The following NEGR1 variants were observed in gnomAD, a reference collection of about 807,000 sequenced individuals.
NEGR1 encodes the protein IgLON family member 4.
In NEGR1, 10 loss-of-function variants were observed where a neutral mutation model predicts 40.9. The observed-to-expected ratio is 0.24, with a 90% confidence interval of 0.15 to 0.42. NEGR1 has a LOEUF of 0.42. NEGR1 is among the 10% of genes least tolerant of loss of function. The pLI, the probability that NEGR1 is intolerant of heterozygous loss-of-function variation, is 1.00. For synonymous variants in NEGR1, 185 were observed against 166.8 expected (o/e 1.11, Z -0.84); for missense variants, 352 against 438.9 (o/e 0.80, Z 1.77).
intron 6 of NEGR1, among the ~76,000 whole-genome samples, chr1:71,557,649 T>C (rs924315420): frequency 6.6e-6 from 1 of 151,604 alleles, no homozygotes; most frequent in Non-Finnish European, 1.5e-5. Flanking sequence ...TGAGTCCCTA[T>C]ATACACTCTA....
chr1:72,036,887 A>T (rs2100449052), intron 1 of NEGR1, among the ~76,000 whole-genome samples: 1 of 152,248 alleles, frequency 6.6e-6, no homozygotes. Context: ...ATAAATATAT[A>T]TATCAGTGTA....
chr1:71,461,174 G>T (rs897637859), intron 6 of NEGR1, among the ~76,000 whole-genome samples: 2 of 152,106 alleles, frequency 1.3e-5, no homozygotes, highest in African/African-American at 4.8e-5. Context: ...AAACATGATT[G>T]TCTTGTTATT....
chr1:71,750,285 G>T lies in NEGR1; in HGVS notation c.535+25887C>A, dbSNP rs532927124. ...TGGGATTACAGGCGTGAGCCACCGC[G>T]CCCGGCCCTGCTCCTTTCTTTTGGA... On this transcript the variant is annotated intron_variant, in intron 3 of 6. Coordinates refer to ENST00000357731, the MANE Select transcript of NEGR1 (RefSeq NM_173808.3). 1.8e-3 allele frequency among the ~76,000 whole-genome samples: 271 copies of T among 152,248 alleles called. 2 individuals carry two copies. Among genetic ancestry groups the T allele is most frequent in the African/African-American group, 6.3e-3 (262 of 41,556 alleles).
intron 1 of NEGR1, among the ~76,000 whole-genome samples, chr1:72,131,015 T>G (rs912297721): frequency 5.3e-5 from 8 of 152,200 alleles, no homozygotes; most frequent in Admixed American, 3.3e-4. Context: ...CCAGTTGTTA[T>G]AGCACAAAAT....
intron 3 of NEGR1, among the ~76,000 whole-genome samples, chr1:71,739,864 G>C (rs914873494): frequency 6.6e-6 from 1 of 152,076 alleles, no homozygotes; most frequent in Non-Finnish European, 1.5e-5. Context: ...ATATTTAATA[G>C]CTTTTAAGTT....
chr1:71,600,283 G>A (rs972710730), intron 5 of NEGR1, among the ~76,000 whole-genome samples: 6 of 152,160 alleles, frequency 3.9e-5, no homozygotes, highest in African/African-American at 7.2e-5. Flanking sequence ...CATGATAAGC[G>A]TTGGGGACAT....
intron 6 of NEGR1, among the ~76,000 whole-genome samples, chr1:71,484,288 T>G (rs1275617282): frequency 6.6e-6 from 1 of 151,626 alleles, no homozygotes; most frequent in African/African-American, 2.4e-5. Flanking sequence ...TTATTCACCT[T>G]CATGCAAGAC....
In NEGR1 at chr1:71,681,831, C is replaced by T. The variant is rs115122441; in HGVS notation, c.667+16177G>A. ...CTCTTGGTTTCTCTGGCTAGCATTC[C>T]ATTTAATTTTTTTTAGGCAGAGTCT... On this transcript the variant is annotated intron_variant, in intron 4 of 6. Coordinates refer to ENST00000357731, the MANE Select transcript of NEGR1 (RefSeq NM_173808.3). Among the ~76,000 whole-genome samples, 654 of 152,052 alleles carry T rather than the reference C, an allele frequency of 4.3e-3. 5 individuals carry two copies. Among genetic ancestry groups the T allele is most frequent in the African/African-American group, 0.015 (631 of 41,474 alleles).
intron 1 of NEGR1, among the ~76,000 whole-genome samples, chr1:72,229,734 T>G (rs142790446): frequency 3.9e-5 from 6 of 152,022 alleles, no homozygotes; most frequent in African/African-American, 1.4e-4. Flanking sequence ...TCTGTAAAAT[T>G]AAACTTTTTT....
intron 6 of NEGR1, among the ~76,000 whole-genome samples, chr1:71,586,659 T>G (rs1409313109): frequency 6.6e-6 from 1 of 152,150 alleles, no homozygotes; most frequent in Non-Finnish European, 1.5e-5. Flanking sequence ...CTGCTGGTTA[T>G]CGTCTCTCCC....
intron 2 of NEGR1, among the ~76,000 whole-genome samples, chr1:71,809,791 C>T (rs1384514697): frequency 6.6e-6 from 1 of 151,952 alleles, no homozygotes; most frequent in East Asian, 1.9e-4. Context: ...TTCACATGCT[C>T]AACATTCTAA....
chr1:72,192,475 T>G (rs1331555475), intron 1 of NEGR1, among the ~76,000 whole-genome samples: 1 of 151,872 alleles, frequency 6.6e-6, no homozygotes, highest in Non-Finnish European at 1.5e-5. Context: ...TTTCTTAAAA[T>G]TTTAAGAGTA....
chr1:72,044,034 C>CT (rs1240190866), intron 1 of NEGR1, among the ~76,000 whole-genome samples: 1 of 151,664 alleles, frequency 6.6e-6, no homozygotes, highest in East Asian at 1.9e-4. Flanking sequence ...AAGTAAAAGC[C>CT]TTTATCATCA....
intron 5 of NEGR1, among the ~76,000 whole-genome samples, chr1:71,596,271 G>A (rs567398444): frequency 3.7e-4 from 56 of 152,270 alleles, no homozygotes; most frequent in African/African-American, 1.3e-3. Context: ...GCTCCACATC[G>A]AGAACCATAA....
At chr1:71,658,132 A>T (rs903131619) in intron 4 of NEGR1, among the ~76,000 whole-genome samples, 2 of 152,184 alleles carry the variant, frequency 1.3e-5, no homozygotes, top group African/African-American at 4.8e-5. Context: ...TATTATGTTG[A>T]AAGTTGTTTT....
chr1:71,785,087 G>T (rs1466338704), intron 2 of NEGR1, among the ~76,000 whole-genome samples: 2 of 152,152 alleles, frequency 1.3e-5, no homozygotes, highest in Non-Finnish European at 2.9e-5. Context: ...TCAAATCACT[G>T]CTGTACCTCA....
At chr1:72,011,449 GA>G (rs1221935408) in intron 1 of NEGR1, among the ~76,000 whole-genome samples, 1 of 152,070 alleles carries the variant, frequency 6.6e-6, no homozygotes, top group Non-Finnish European at 1.5e-5. Context: ...TATTACAAGG[GA>G]AACTTGGAGG....
At chr1:71,940,882 CA>C (rs1353247976) in intron 1 of NEGR1, among the ~76,000 whole-genome samples, 1 of 152,128 alleles carries the variant, frequency 6.6e-6, no homozygotes, top group African/African-American at 2.4e-5. Flanking sequence ...ACTTATATCT[CA>C]AATTCTTTGT....
At chr1:71,907,400 C>T (rs1292404165) in intron 2 of NEGR1, among the ~76,000 whole-genome samples, 1 of 151,954 alleles carries the variant, frequency 6.6e-6, no homozygotes, top group Non-Finnish European at 1.5e-5. Flanking sequence ...TTGAAAAAGA[C>T]AAAAGTTAAG....
Sources: gnomAD v4.1 joint callset for allele counts (sites outside exome capture counted in the v4.1 genomes callset) on GRCh38, gnomAD v4.1.1 for gene constraint, MANE v1.5 for transcripts, NCBI Gene and HGNC (gene_info 2026-07-23, HGNC 2026-07-21) for gene names.